The following MYH1 variants were observed in gnomAD, a reference collection of about 807,000 sequenced individuals.
The protein encoded by MYH1 is myosin heavy chain 1, also known as myosin-1.
In MYH1, 214 loss-of-function variants were observed where a neutral mutation model predicts 225.6. That is an observed-to-expected ratio of 0.95 (90% CI 0.85 to 1.06). The LOEUF is 1.06. MYH1 is among the 50% of genes least tolerant of loss of function. The probability of loss-of-function intolerance (pLI) is 0.00; values close to 1 mark genes in which losing one functional copy is unlikely to be tolerated. For synonymous variants in MYH1, 774 were observed against 842.3 expected (o/e 0.92, Z 1.40); for missense variants, 2,098 against 2,344.2 (o/e 0.89, Z 2.17).
chr17:10,500,841 G>A, intron 27 of MYH1, 89 bp from the exon 28 acceptor site: 1 of 1,551,810 alleles, frequency 6.4e-7, no homozygotes, highest in Non-Finnish European at 8.8e-7. Context: ...ATGAGCTGCA[G>A]TACTCATTTA....
At chr17:10,508,005 G>GTT (rs377516000) in intron 16 of MYH1, 49 bp from the exon 17 acceptor site, 1,527 of 1,089,590 alleles carry the variant, frequency 1.4e-3, no homozygotes, top group Non-Finnish European at 1.6e-3. Flanking sequence ...TCTGGTTATG[G>GTT]TTTTTTTTTT....
chr17:10,508,251 T>G (rs1361663110), intron 16 of MYH1, 112 bp downstream of exon 16: 1 of 1,242,300 alleles, frequency 8.0e-7, no homozygotes, highest in East Asian at 2.4e-5. Context: ...ACTCCTGACC[T>G]CAGGCAATCT....
chr17:10,508,675 G>A lies in MYH1; in HGVS notation c.1588-3C>T. 1 of 1,613,188 alleles carries A rather than the reference G, an allele frequency of 6.2e-7. No homozygotes were observed. Among genetic ancestry groups the A allele is most frequent in the Non-Finnish European group, 8.5e-7 (1 of 1,179,650 alleles). On this transcript the variant is annotated splice_polypyrimidine_tract_variant and splice_region_variant and intron_variant, in intron 15 of 39. Transcript: ENST00000226207. Reference sequence around the variant, plus strand: ...AGGATGGAGAAGATGCCCATAGGCTGGAAGAATGAAAAGAAATAAATGCCA... The same window carrying A: ...AGGATGGAGAAGATGCCCATAGGCTAGAAGAATGAAAAGAAATAAATGCCA...
In MYH1 at chr17:10,515,910, C is replaced by A. The variant is rs961071917; in HGVS notation, c.505+16G>T. ...ATGGTAAAATAATTCATATGAAAACCAGCTGAGCCACTCACCAGTCAGCAT... is the reference window on the plus strand; with the variant it reads ...ATGGTAAAATAATTCATATGAAAACAAGCTGAGCCACTCACCAGTCAGCAT... On this transcript the variant is annotated intron_variant, in intron 5 of 39. Coordinates refer to ENST00000226207, the MANE Select transcript of MYH1 (RefSeq NM_005963.4). 1 of 1,613,868 alleles carries A rather than the reference C, an allele frequency of 6.2e-7. No homozygotes were observed. The highest frequency in any genetic ancestry group is 1.1e-5 in the South Asian group (1 of 91,050).
At chr17:10,493,340 C>A (rs753342301) in intron 39 of MYH1, among the ~76,000 whole-genome samples, 4 of 152,140 alleles carry the variant, frequency 2.6e-5, no homozygotes, top group Non-Finnish European at 4.4e-5. Flanking sequence ...TTCTCTCCCT[C>A]CCTCATTCCC....
Position 10,512,113 on chromosome 17 carries a change from G to C in MYH1, c.1227C>G (p.Val409=). Residue 409 remains valine, a synonymous_variant, in exon 13 of 40, where the codon GTC becomes GTG. Coordinates refer to ENST00000226207, the MANE Select transcript of MYH1 (RefSeq NM_005963.4). ...LKALCYPRVK[V]GNEYVTKGQT... Reference sequence around the variant, plus strand: ...GACCTTTGGTGACATACTCATTGCCGACCTTGACCCTAGGGTAGCAGAGGG... The same window carrying C: ...GACCTTTGGTGACATACTCATTGCCCACCTTGACCCTAGGGTAGCAGAGGG... 1 of 1,614,180 alleles carries C rather than the reference G, an allele frequency of 6.2e-7. No homozygotes were observed. Among genetic ancestry groups the C allele is most frequent in the Non-Finnish European group, 8.5e-7 (1 of 1,180,032 alleles).
In MYH1 at chr17:10,509,465, T is replaced by C. The variant is rs1325881644; in HGVS notation, c.1587+20A>G. On this transcript the variant is annotated intron_variant, in intron 15 of 39. Coordinates refer to ENST00000226207, the MANE Select transcript of MYH1 (RefSeq NM_005963.4). ...TACTGTACAGCAGTATGATCTGTGG[T>C]CTGCAAAAAGCAAGCCAACCTTCTC... 2 of 1,613,994 alleles carry C rather than the reference T, an allele frequency of 1.2e-6. No homozygotes were observed. The highest frequency in any genetic ancestry group is 1.7e-6 in the Non-Finnish European group (2 of 1,179,992).
At chr17:10,505,341 G>T in intron 20 of MYH1, 42 bp from the exon 21 acceptor site, 2 of 1,614,176 alleles carry the variant, frequency 1.2e-6, no homozygotes, top group Non-Finnish European at 1.7e-6. Flanking sequence ...TTTACATAAA[G>T]TTCAAAGGGA....
chr17:10,514,139 A>C lies in MYH1; in HGVS notation c.534-15T>G, dbSNP rs1390197739. ...CAGATTCTCCGCTGTCAAAGACCAA[A>C]CGTATGAGAAATTAAGCACTGTGAC... On this transcript the variant is annotated splice_polypyrimidine_tract_variant and intron_variant, in intron 6 of 39. Coordinates refer to ENST00000226207, the MANE Select transcript of MYH1 (RefSeq NM_005963.4). The C allele has an allele frequency of 6.2e-7, 1 of 1,613,370 alleles. No homozygotes were observed. The highest frequency in any genetic ancestry group is 1.1e-5 in the South Asian group (1 of 91,074).
chr17:10,494,762 A>AT, intron 37 of MYH1, 89 bp from the exon 38 acceptor site: 4 of 1,586,988 alleles, frequency 2.5e-6, no homozygotes, highest in Non-Finnish European at 3.4e-6. Flanking sequence ...TCTGCTTTAT[A>AT]TGTAGTTTTT....
At position 10,505,090 on chromosome 17, in the gene MYH1, A is replaced by T. The variant is rs747149405; in HGVS notation, c.2436-25T>A. 1.9e-6 allele frequency: 3 copies of T among 1,613,378 alleles called. No homozygotes were observed. In the Admixed American group the frequency reaches 5.0e-5, roughly 27 times the overall value. On this transcript the variant is annotated intron_variant, in intron 21 of 39. Transcript: ENST00000226207. ...TCTGTCATAGGAACAGAAATGTCCA[A>T]ATCAGATTATAATAAGAAGCAGAAT...
chr17:10,496,243 T>G lies in MYH1; in HGVS notation c.4963A>C (p.Lys1655Gln). The G allele has an allele frequency of 1.9e-6, 3 of 1,614,150 alleles. No individual in the cohort carries two copies. The highest frequency in any genetic ancestry group is 2.5e-6 in the Non-Finnish European group (3 of 1,180,030). ...GATCATCTGTTGGACATATTTACCT[T>G]GAGGATGGCTTGGGTGTTCCTATAG... ...RNYRNTQAIL[K>Q]DTQLHLDDAL... The change falls in exon 34 of 40, where the codon AAG becomes CAG. Residue 1655 changes from lysine (K) to glutamine (Q), a missense_variant and splice_region_variant. Transcript: ENST00000226207.
At position 10,495,244 on chromosome 17, in the gene MYH1, A is replaced by T. The variant is rs1431578495; in HGVS notation, c.5243T>A (p.Ile1748Asn). 29 of 1,613,906 alleles carry T rather than the reference A, an allele frequency of 1.8e-5. No individual in the cohort carries two copies. The highest frequency in any genetic ancestry group is 2.4e-5 in the Non-Finnish European group (28 of 1,180,014). Residue 1748 changes from isoleucine (I) to asparagine (N), a missense_variant, in exon 36 of 40, where the codon ATC becomes AAC. Transcript: ENST00000226207. ...TTCTGCATTGCGGGCTTCCTGGATG[A>T]TGTCTTCCATCTCTCCCTGGATTTG... ...ISQIQGEMED[I>N]IQEARNAEEK...
intron 6 of MYH1, among the ~76,000 whole-genome samples, chr17:10,514,409 G>T (rs1004029510): frequency 6.6e-6 from 1 of 152,186 alleles, no homozygotes; most frequent in African/African-American, 2.4e-5. Context: ...CAGCACCTCT[G>T]TAGTGAATGG....
At chr17:10,498,894 C>G (rs1296332282) in intron 29 of MYH1, 72 bp from the exon 30 acceptor site, 1 of 1,604,648 alleles carries the variant, frequency 6.2e-7, no homozygotes, top group African/African-American at 1.3e-5. Context: ...CTCCTATAGG[C>G]CACCAGAAGA....
At chr17:10,511,694 G>C in intron 14 of MYH1, 145 bp downstream of exon 14, 1 of 1,291,680 alleles carries the variant, frequency 7.7e-7, no homozygotes, top group Non-Finnish European at 1.1e-6. Context: ...ACGGTCTTTT[G>C]GTGCTCTTTC....
chr17:10,509,755 G>C, intron 14 of MYH1, 100 bp from the exon 15 acceptor site: 1 of 1,593,670 alleles, frequency 6.3e-7, no homozygotes, highest in Middle Eastern at 1.8e-4. Flanking sequence ...TCTTAGGATG[G>C]TATCGTTTTG....
At chr17:10,498,569 A>G (rs1298749543) in intron 30 of MYH1, 57 bp downstream of exon 30, 5 of 1,608,136 alleles carry the variant, frequency 3.1e-6, no homozygotes, top group Admixed American at 1.7e-5. Flanking sequence ...CTAGTTTTTC[A>G]TATGTTTTGG....
chr17:10,511,073 G>A (rs919299229), intron 14 of MYH1, among the ~76,000 whole-genome samples: 3 of 150,578 alleles, frequency 2.0e-5, no homozygotes, highest in Admixed American at 6.6e-5. Flanking sequence ...TTCTTTCCAC[G>A]TTGGCTTGGA....
Sources: gnomAD v4.1 joint callset for allele counts (sites outside exome capture counted in the v4.1 genomes callset) on GRCh38, gnomAD v4.1.1 for gene constraint, MANE v1.5 for transcripts, NCBI Gene and HGNC (gene_info 2026-07-23, HGNC 2026-07-21) for gene names.